Variants in FAM186A observed in about 807,000 individuals in gnomAD.
FAM186A encodes family with sequence similarity 186 member A.
Under a neutral mutation model 216.8 loss-of-function variants are expected in FAM186A, and 163 were observed. That is an observed-to-expected ratio of 0.75 (90% CI 0.66 to 0.86). The LOEUF (loss-of-function observed/expected upper bound fraction) is 0.86. Among genes scored for constraint, FAM186A ranks in the 40% least tolerant of loss-of-function variants. The pLI, the probability that FAM186A is intolerant of heterozygous loss-of-function variation, is 0.00. For missense variants in FAM186A, 2,184 were observed against 2,746.2 expected (o/e 0.80, Z 4.58); for synonymous variants, 805 against 1,025.3 (o/e 0.79, Z 4.10).
chr12:50,387,392 C>T (rs140280955), intron 1 of FAM186A, among the ~76,000 whole-genome samples: 3 of 152,322 alleles, frequency 2.0e-5, no homozygotes, highest in African/African-American at 4.8e-5. Flanking sequence ...TGGGGTTCAT[C>T]ATCTGGTACC....
chr12:50,368,828 C>T (rs1430434144), intron 1 of FAM186A, among the ~76,000 whole-genome samples: 2 of 151,750 alleles, frequency 1.3e-5, no homozygotes, highest in Non-Finnish European at 2.9e-5. Context: ...GACATATAAC[C>T]TGATGGAATA....
chr12:50,377,834 CA>C (rs58718750), intron 1 of FAM186A, among the ~76,000 whole-genome samples: 5 of 139,910 alleles, frequency 3.6e-5, no homozygotes, highest in Admixed American at 7.3e-5. Flanking sequence ...AACTCCACCT[CA>C]AAAAAAAAAA....
intron 4 of FAM186A, among the ~76,000 whole-genome samples, chr12:50,344,618 A>G (rs1054195078): frequency 1.4e-4 from 21 of 152,146 alleles, no homozygotes; most frequent in African/African-American, 3.9e-4. Flanking sequence ...TTTCCTTTGA[A>G]TATATACCCA....
At chr12:50,343,764 G>A (rs11169386) in intron 4 of FAM186A, among the ~76,000 whole-genome samples, 4 of 151,882 alleles carry the variant, frequency 2.6e-5, no homozygotes, top group Admixed American at 1.3e-4. Flanking sequence ...GACTACAGGC[G>A]CCCGCCACCA....
In FAM186A at chr12:50,353,749, T is replaced by G. The variant is rs1188042834; in HGVS notation, c.3083A>C (p.Glu1028Ala). ...TAATGTCTTCAGATTCCTCTGAAAC[T>G]CTTTTCCTTCATATGACCGCTGTAC... Reference protein sequence around the residue: ...KDVQRSYEGKEFQRNLKTLEN... With the variant: ...KDVQRSYEGKAFQRNLKTLEN... Residue 1028 changes from glutamate (E) to alanine (A), a missense_variant, in exon 4 of 8, where the codon GAG becomes GCG. By Grantham distance (107) the Glu-to-Ala change is moderately radical. Transcript: ENST00000327337. The G allele has an allele frequency of 6.4e-7, 1 of 1,550,560 alleles. No individual in the cohort carries two copies. The highest frequency in any genetic ancestry group is 1.2e-5 in the South Asian group (1 of 83,808).
At chr12:50,387,797 C>T (rs897518960) in intron 1 of FAM186A, among the ~76,000 whole-genome samples, 4 of 152,194 alleles carry the variant, frequency 2.6e-5, no homozygotes, top group African/African-American at 9.6e-5. Context: ...GGCATTCACC[C>T]CTGCAAGCTC....
At chr12:50,382,177 G>A (rs1454692258) in intron 1 of FAM186A, among the ~76,000 whole-genome samples, 5 of 140,118 alleles carry the variant, frequency 3.6e-5, no homozygotes, top group Admixed American at 1.5e-4. Flanking sequence ...CATGGCTTTC[G>A]TTTTAAAGAC....
At chr12:50,389,598 G>A (rs779432724) in intron 1 of FAM186A, among the ~76,000 whole-genome samples, 6 of 152,148 alleles carry the variant, frequency 3.9e-5, no homozygotes, top group African/African-American at 9.7e-5. Flanking sequence ...AAGCTGTATC[G>A]CTGGCCTTCC....
At position 50,333,877 on chromosome 12, in the gene FAM186A, A is replaced by G. The variant is rs997624188; in HGVS notation, c.6696+34T>C. On this transcript the variant is annotated intron_variant, in intron 5 of 7. Transcript: ENST00000327337. ...AGCTTACCACTTTCATGTTTTTACA[A>G]CATGCTGGACAGAGGGAGTGGAAAG... The G allele has an allele frequency of 6.6e-6, 10 of 1,517,032 alleles. No homozygotes were observed. The East Asian group carries it at 2.2e-4, about 34-fold the overall frequency. 94.0% of individuals were successfully genotyped at this position (1,517,032 alleles called of 1,614,324 possible).
At chr12:50,378,944 C>T (rs1221194442) in intron 1 of FAM186A, among the ~76,000 whole-genome samples, 2 of 152,148 alleles carry the variant, frequency 1.3e-5, no homozygotes, top group African/African-American at 4.8e-5. Context: ...TTGGAAATAA[C>T]TTAAATGTCC....
At chr12:50,364,483 G>C (rs188684196) in intron 1 of FAM186A, among the ~76,000 whole-genome samples, 3 of 151,764 alleles carry the variant, frequency 2.0e-5, no homozygotes, top group African/African-American at 7.3e-5. Context: ...GCATGAACCC[G>C]GGAGGTGGAG....
Position 50,396,341 on chromosome 12 carries a change from C to G in FAM186A, c.144G>C (p.Lys48Asn). 1 of 1,551,604 alleles carries G rather than the reference C, an allele frequency of 6.4e-7. No homozygotes were observed. The highest frequency in any genetic ancestry group is 1.4e-5 in the African/African-American group (1 of 73,150). Reference protein sequence around the residue: ...LPNLEIPFSVKDIISRIERAQ... With the variant: ...LPNLEIPFSVNDIISRIERAQ... ...CGCGCTCAATCCTAGAGATGATATC[C>G]TTTACTGAGAATGGGATCTCAAGGT... The change falls in exon 1 of 8, where the codon AAG (lysine) becomes AAC (asparagine). Residue 48 changes from lysine to asparagine, a missense_variant. Coordinates refer to ENST00000327337, the MANE Select transcript of FAM186A (RefSeq NM_001145475.3).
chr12:50,333,938 C>T lies in FAM186A; in HGVS notation c.6669G>A (p.Leu2223=). Residue 2223 remains leucine (L), a synonymous_variant, in exon 5 of 8, where the codon CTG becomes CTA. Transcript: ENST00000327337. Reference sequence around the variant, plus strand: ...GGTTGAATACGTGTATCATTTTCTTCAGGCACTGATTCCGTTTCTGCCCTA... The same window carrying T: ...GGTTGAATACGTGTATCATTTTCTTTAGGCACTGATTCCGTTTCTGCCCTA... ...KSLGQKRNQC[L]KKMIHVFNQL... 6.4e-7 allele frequency: 1 copy of T among 1,551,234 alleles called. No individual in the cohort carries two copies. The highest frequency in any genetic ancestry group is 1.7e-4 in the Middle Eastern group (1 of 5,990).
intron 1 of FAM186A, among the ~76,000 whole-genome samples, chr12:50,377,755 C>T (rs1943211810): frequency 6.6e-6 from 1 of 151,340 alleles, no homozygotes; most frequent in African/African-American, 2.4e-5. Context: ...ATTGCTTGAA[C>T]CCGGTGGGGG....
chr12:50,337,067 C>T (rs1217675143), intron 4 of FAM186A, among the ~76,000 whole-genome samples: 1 of 151,246 alleles, frequency 6.6e-6, no homozygotes, highest in Admixed American at 6.6e-5. Flanking sequence ...TCATTTAATA[C>T]TTAAATTATT....
At chr12:50,370,233 G>A (rs190344044) in intron 1 of FAM186A, among the ~76,000 whole-genome samples, 20 of 151,392 alleles carry the variant, frequency 1.3e-4, no homozygotes, top group African/African-American at 4.6e-4. Context: ...GAGCCTGGGA[G>A]GTAGAGGTTG....
chr12:50,393,540 T>C (rs1206750525), intron 1 of FAM186A, among the ~76,000 whole-genome samples: 15 of 147,054 alleles, frequency 1.0e-4, no homozygotes, highest in African/African-American at 3.8e-4. Context: ...AGACTCCATC[T>C]CAAAAAAAAA....
chr12:50,364,642 C>G (rs1246603333), intron 1 of FAM186A, among the ~76,000 whole-genome samples: 2 of 151,810 alleles, frequency 1.3e-5, no homozygotes, highest in Non-Finnish European at 2.9e-5. Flanking sequence ...TGTCTCACGC[C>G]TGTAATCCAA....
rs1491450637 is a variant in FAM186A at position 50,372,994 on chromosome 12, G to GGAAAGAAAGAAAGAAA, written c.193-9631_193-9630insTTTCTTTCTTTCTTTC. ...AGGGACGGAGGGAGGAAGGAAGGAAGGAATGAAAGAAAGAAAGAAAGAAAG... is the reference window on the plus strand; with the variant it reads ...AGGGACGGAGGGAGGAAGGAAGGAAGGAAAGAAAGAAAGAAAGAATGAAAGAAAGAAAGAAAGAAAG... On this transcript the variant is annotated intron_variant, in intron 1 of 7. Transcript: ENST00000327337. Among the ~76,000 whole-genome samples the GGAAAGAAAGAAAGAAA allele has an allele frequency of 8.4e-4, 50 of 59,524 alleles. 12 individuals are homozygous for GGAAAGAAAGAAAGAAA. The highest frequency in any genetic ancestry group is 2.8e-3 in the East Asian group (7 of 2,538). 39.1% of individuals were successfully genotyped at this position (59,524 alleles called of 152,430 possible). A position where few individuals can be genotyped will look rare whatever the true frequency, so the allele number is the denominator to read the frequency against.
Sources: allele counts gnomAD v4.1 joint callset (sites outside exome capture counted in the v4.1 genomes callset), GRCh38; gene constraint gnomAD v4.1.1; transcripts MANE v1.5; gene names NCBI Gene and HGNC (gene_info 2026-07-23, HGNC 2026-07-21).